The following PER3 variants were observed in gnomAD, a reference collection of about 807,000 sequenced individuals.
The protein encoded by PER3 is period circadian protein homolog 3.
PER3 carries 107 observed loss-of-function variants against 127.2 expected under a neutral mutation model. The observed-to-expected ratio is 0.84, with a 90% CI of 0.72 to 0.99. PER3 has a LOEUF of 0.99. PER3 is among the 50% of genes least tolerant of loss of function. The pLI, the probability that PER3 is intolerant of heterozygous loss-of-function variation, is 0.00. For synonymous variants in PER3, 618 were observed against 585.8 expected, an observed-to-expected ratio of 1.05 and a Z score of -0.79; for missense variants, 1,560 against 1,525.8, an observed-to-expected ratio of 1.02 and a Z score of -0.37.
chr1:7,825,095 G>A (rs1344169655), intron 16 of PER3, among the ~76,000 whole-genome samples: 1 of 150,742 alleles, frequency 6.6e-6, no homozygotes, highest in Non-Finnish European at 1.5e-5. Context: ...ACTACAACTT[G>A]GCCAGAAGCA....
In PER3 at chr1:7,827,596, C is replaced by T. The variant is rs772821478; in HGVS notation, c.2667C>T (p.Pro889=). The T allele has an allele frequency of 1.9e-6, 3 of 1,614,090 alleles. No homozygotes were observed. The highest frequency in any genetic ancestry group is 1.1e-5 in the South Asian group (1 of 91,092). The change falls in exon 18 of 22, where the codon CCC becomes CCT. Residue 889 remains proline, a synonymous_variant. Transcript: ENST00000377532. ...LGATASSAIS[P]SMSSAMSPTL... is the part of the protein sequence containing the mutation. ...CGACAGCCTCTTCTGCGATATCACC[C>T]TCAATGTCGTCAGCAATGAGTCCAA...
intron 18 of PER3, among the ~76,000 whole-genome samples, chr1:7,828,220 C>T (rs1010189323): frequency 2.0e-5 from 3 of 152,184 alleles, no homozygotes; most frequent in Admixed American, 1.3e-4. Flanking sequence ...GACAATTTAA[C>T]GATTGTACTT....
At chr1:7,797,250 G>T (rs1439662185) in intron 6 of PER3, among the ~76,000 whole-genome samples, 1 of 152,152 alleles carries the variant, frequency 6.6e-6, no homozygotes, top group Non-Finnish European at 1.5e-5. Context: ...TCACTTCCCG[G>T]TGATTCTCTT....
intron 5 of PER3, chr1:7,788,504 A>T (rs940571018): frequency 9.8e-6 from 4 of 408,968 alleles, no homozygotes; most frequent in Non-Finnish European, 1.8e-5. Context: ...AGCGTATTGT[A>T]TAGTGGTTTA....
At chr1:7,818,607 T>C (rs1360227020) in intron 13 of PER3, among the ~76,000 whole-genome samples, 4 of 152,248 alleles carry the variant, frequency 2.6e-5, no homozygotes, top group African/African-American at 4.8e-5. Flanking sequence ...AAGTTTTTAG[T>C]GCTTAAGCCT....
chr1:7,821,154 C>T (rs192323271), intron 16 of PER3, among the ~76,000 whole-genome samples: 18 of 152,256 alleles, frequency 1.2e-4, no homozygotes, highest in Admixed American at 3.3e-4. Context: ...TCTTCTTATT[C>T]CTCTTTATTG....
At position 7,809,906 on chromosome 1, in the gene PER3, G is replaced by A; in HGVS notation, c.1256G>A (p.Ser419Asn). ...YKLLLQPVHV[S>N]VSSGYGSLGS... Reference sequence around the variant, plus strand: ...TTGTCCTTCCAGCCAGTTCACGTGAGCGTGTCCAGCGGCTACGGGAGCCTG... The same window carrying A: ...TTGTCCTTCCAGCCAGTTCACGTGAACGTGTCCAGCGGCTACGGGAGCCTG... The change falls in exon 12 of 22, where the codon AGC (serine) becomes AAC (asparagine). Residue 419 changes from serine (S) to asparagine (N), a missense_variant. By Grantham distance (46) the Ser-to-Asn change is conservative. Coordinates refer to ENST00000377532, the MANE Select transcript of PER3 (RefSeq NM_001377275.1). The A allele has an allele frequency of 6.2e-7, 1 of 1,614,100 alleles. No individual in the cohort carries two copies. Among genetic ancestry groups the A allele is most frequent in the Non-Finnish European group, 8.5e-7 (1 of 1,180,006 alleles).
At chr1:7,828,539 CAG>C (rs1454106575) in intron 18 of PER3, among the ~76,000 whole-genome samples, 1 of 152,186 alleles carries the variant, frequency 6.6e-6, no homozygotes, top group African/African-American at 2.4e-5. Context: ...CCTTCTTTAA[CAG>C]ATATTCAAAA....
At chr1:7,836,872 T>C in intron 20 of PER3, 127 bp from the exon 21 acceptor site, 3 of 584,044 alleles carry the variant, frequency 5.1e-6, no homozygotes, top group South Asian at 6.4e-5. Flanking sequence ...ATTTTTTTAA[T>C]GTATGCCTCA....
At position 7,827,685 on chromosome 1, in the gene PER3, G is replaced by A; in HGVS notation, c.2756G>A (p.Ser919Asn). The A allele has an allele frequency of 6.2e-7, 1 of 1,614,156 alleles. No individual in the cohort carries two copies. Among genetic ancestry groups the A allele is most frequent in the Non-Finnish European group, 8.5e-7 (1 of 1,180,026 alleles). ...GAGGAGGAAAAGTGGGAGGCACAAAGCGAGGGGCACCCGTTCATTACTTCG... is the reference window on the plus strand; with the variant it reads ...GAGGAGGAAAAGTGGGAGGCACAAAACGAGGGGCACCCGTTCATTACTTCG... Reference protein sequence around the residue: ...RREEEKWEAQSEGHPFITSRS... With the variant: ...RREEEKWEAQNEGHPFITSRS... Residue 919 changes from serine (S) to asparagine (N), a missense_variant, in exon 18 of 22, where the codon AGC (serine) becomes AAC (asparagine). By Grantham distance (46) the Ser-to-Asn change is conservative. Transcript: ENST00000377532.
chr1:7,785,161 C>T (rs1053818908), intron 2 of PER3, among the ~76,000 whole-genome samples, 156 bp downstream of exon 2: 3 of 152,200 alleles, frequency 2.0e-5, no homozygotes, highest in African/African-American at 7.2e-5. Context: ...TGATCCGTGA[C>T]ACTGAAGAAA....
chr1:7,799,770 G>GTTGTT (rs1248098608), intron 7 of PER3, among the ~76,000 whole-genome samples: 2 of 151,794 alleles, frequency 1.3e-5, no homozygotes, highest in Non-Finnish European at 2.9e-5. Flanking sequence ...TTTTTTTGTT[G>GTTGTT]TTGTTTTGCT....
chr1:7,786,294 A>G (rs2097090447), intron 3 of PER3, among the ~76,000 whole-genome samples: 1 of 152,246 alleles, frequency 6.6e-6, no homozygotes, highest in South Asian at 2.1e-4. Flanking sequence ...ATGATATATC[A>G]GGAATTTACC....
At chr1:7,787,663 A>G (rs2097098518) in intron 4 of PER3, 1 of 328,102 alleles carries the variant, frequency 3.0e-6, no homozygotes, top group African/African-American at 2.2e-5. Flanking sequence ...GAGGTTTGTC[A>G]AGGACAGCTT....
At position 7,810,577 on chromosome 1, in the gene PER3, C is replaced by T. The variant is rs777226760; in HGVS notation, c.1511C>T (p.Ala504Val). 62 of 1,608,946 alleles carry T rather than the reference C, an allele frequency of 3.9e-5. No individual in the cohort carries two copies. The highest frequency in any genetic ancestry group is 1.6e-4 in the Middle Eastern group (1 of 6,068). The change falls in exon 13 of 22, where the codon GCG becomes GTG. Residue 504 changes from alanine (A) to valine (V), a missense_variant. By Grantham distance (64) the Ala-to-Val change is moderately conservative. This residue lies in a region of PER3 where 1,332 missense variants were observed against 1,223.6 expected (regional missense o/e 1.09). Transcript: ENST00000377532. Reference sequence around the variant, plus strand: ...GAACCGAATGGTGGTGGTGAGTCAGCGAATGGTGGTGGTGAGTCAGCCGGC... The same window carrying T: ...GAACCGAATGGTGGTGGTGAGTCAGTGAATGGTGGTGGTGAGTCAGCCGGC... Reference protein sequence around the residue: ...RTEPNGGGESANGGGECKTFT... With the variant: ...RTEPNGGGESVNGGGECKTFT...
intron 19 of PER3, among the ~76,000 whole-genome samples, chr1:7,830,679 C>T (rs2097327395): frequency 6.6e-6 from 1 of 152,204 alleles, no homozygotes. Flanking sequence ...GGTCAATATA[C>T]TTTCTTTACA....
At chr1:7,811,785 C>G (rs1271639639) in intron 13 of PER3, among the ~76,000 whole-genome samples, 2 of 152,124 alleles carry the variant, frequency 1.3e-5, no homozygotes, top group African/African-American at 4.8e-5. Context: ...TCATGGGGGA[C>G]ACACACATTC....
In PER3 at chr1:7,798,640, A is replaced by G. The variant is rs539173811; in HGVS notation, c.760A>G (p.Thr254Ala). ...ATTGGAATCGGAACCTTGCTGTCTCACTGTGGTTGAAAAGATTCACTCTGG... is the reference window on the plus strand; with the variant it reads ...ATTGGAATCGGAACCTTGCTGTCTCGCTGTGGTTGAAAAGATTCACTCTGG... Reference protein sequence around the residue: ...PELESEPCCLTVVEKIHSGYE... With the variant: ...PELESEPCCLAVVEKIHSGYE... Residue 254 changes from threonine (T) to alanine (A), a missense_variant, in exon 7 of 22, where the codon ACT (threonine) becomes GCT (alanine). Physicochemically the swap from Thr to Ala is moderately conservative, Grantham distance 58. This residue lies in a region of PER3 where 1,332 missense variants were observed against 1,223.6 expected (regional missense o/e 1.09). Transcript: ENST00000377532. 4.3e-6 allele frequency: 7 copies of G among 1,613,928 alleles called. No homozygotes were observed. The highest frequency in any genetic ancestry group is 5.9e-6 in the Non-Finnish European group (7 of 1,179,804).
chr1:7,833,448 G>A (rs2097342349), intron 19 of PER3, among the ~76,000 whole-genome samples: 1 of 152,094 alleles, frequency 6.6e-6, no homozygotes, highest in Non-Finnish European at 1.5e-5. Flanking sequence ...TCTTTTATTA[G>A]GTGCATATAC....
Sources: gnomAD v4.1 joint callset for allele counts (sites outside exome capture counted in the v4.1 genomes callset) on GRCh38, gnomAD v4.1.1 for gene constraint, gnomAD v4.1.1 regional missense constraint, MANE v1.5 for transcripts, NCBI Gene and HGNC (gene_info 2026-07-23, HGNC 2026-07-21) for gene names.